The following FRK variants were observed in gnomAD, a reference collection of about 807,000 sequenced individuals.
The protein encoded by FRK is fyn related Src family tyrosine kinase, also known as tyrosine-protein kinase FRK.
Under a neutral mutation model 56.4 loss-of-function variants are expected in FRK, and 51 were observed. That is an observed-to-expected ratio of 0.90 (90% confidence interval 0.72 to 1.14). FRK has a LOEUF of 1.14. Ranked by LOEUF, FRK falls within the 50% of genes most tolerant of loss-of-function variation. The pLI, the probability that FRK is intolerant of heterozygous loss-of-function variation, is 0.00. For synonymous variants in FRK, 245 were observed against 217.9 expected (o/e 1.12, Z -1.10); for missense variants, 570 against 601.4 (o/e 0.95, Z 0.55).
Position 115,946,331 on chromosome 6 carries a change from C to T in FRK, c.959-1906G>A, listed in dbSNP as rs73770683. ...GGCAAGCAGCTTAACATTCCTATGCCTCAGTTTCCTCATCTGTACAATGAT... is the reference window on the plus strand; with the variant it reads ...GGCAAGCAGCTTAACATTCCTATGCTTCAGTTTCCTCATCTGTACAATGAT... On this transcript the variant is annotated intron_variant, in intron 5 of 7. Transcript: ENST00000606080. Among the ~76,000 whole-genome samples the T allele has an allele frequency of 7.0e-3, 1,071 of 152,212 alleles. 10 individuals are homozygous for T. Among genetic ancestry groups the T allele is most frequent in the African/African-American group, 0.025 (1,041 of 41,550 alleles).
chr6:115,991,924 AT>A (rs534588193), intron 2 of FRK, among the ~76,000 whole-genome samples: 1 of 151,142 alleles, frequency 6.6e-6, no homozygotes, highest in African/African-American at 2.4e-5. Flanking sequence ...TTGGTGGTAG[AT>A]TTTTTTATTA....
At chr6:115,990,467 G>T (rs1774555117) in intron 2 of FRK, among the ~76,000 whole-genome samples, 1 of 151,494 alleles carries the variant, frequency 6.6e-6, no homozygotes, top group Non-Finnish European at 1.5e-5. Context: ...AGAGAGAGGG[G>T]TCCAGTTTCA....
chr6:115,958,643 GA>G (rs5879358), intron 4 of FRK, among the ~76,000 whole-genome samples: 26,440 of 37,626 alleles, frequency 0.7, 8,137 homozygotes, highest in South Asian at 0.76. Flanking sequence ...AGGAAAGAAA[GA>G]AAAGAAAGAA....
chr6:116,065,807 CA>C (rs1388407006), upstream of FRK, among the ~76,000 whole-genome samples: 1 of 152,190 alleles, frequency 6.6e-6, no homozygotes, highest in Non-Finnish European at 1.5e-5. Flanking sequence ...AATGGACACT[CA>C]ATAAATATAT....
At chr6:116,029,084 G>A (rs375547084) in intron 1 of FRK, among the ~76,000 whole-genome samples, 3 of 151,870 alleles carry the variant, frequency 2.0e-5, no homozygotes, top group African/African-American at 7.3e-5. Flanking sequence ...CTTCCTCAGG[G>A]ACTTTTCACC....
chr6:115,946,133 G>A (rs567549146), intron 5 of FRK, among the ~76,000 whole-genome samples: 59 of 152,100 alleles, frequency 3.9e-4, no homozygotes, highest in Middle Eastern at 3.4e-3. Flanking sequence ...ATATATCCCC[G>A]TCTCAATAAG....
upstream of FRK, among the ~76,000 whole-genome samples, chr6:116,061,786 T>C (rs1281942131): frequency 7.2e-6 from 1 of 138,316 alleles, no homozygotes; most frequent in African/African-American, 3.1e-5. Flanking sequence ...CTATAAGACT[T>C]TTTTTTTATT....
chr6:116,078,174 T>C, the FRK span, among the ~76,000 whole-genome samples: 2 of 152,112 alleles, frequency 1.3e-5, no homozygotes. Context: ...AATAAATAAA[T>C]AAACATTTGA....
the FRK span, among the ~76,000 whole-genome samples, chr6:116,095,499 T>C: frequency 6.6e-6 from 1 of 152,202 alleles, no homozygotes; most frequent in Admixed American, 6.5e-5. Context: ...AAGTTAACAG[T>C]GTAACATGTA....
At chr6:116,022,729 C>G (rs937019440) in intron 1 of FRK, among the ~76,000 whole-genome samples, 6 of 152,148 alleles carry the variant, frequency 3.9e-5, no homozygotes, top group Non-Finnish European at 7.4e-5. Context: ...TAAGAACAGA[C>G]AAGAGCTACA....
At position 115,956,550 on chromosome 6, in the gene FRK, G is replaced by T. The variant is rs775194998; in HGVS notation, c.860C>A (p.Pro287Gln). The T allele has an allele frequency of 6.3e-7, 1 of 1,592,682 alleles. No individual in the cohort carries two copies. The highest frequency in any genetic ancestry group is 1.7e-5 in the Admixed American group (1 of 57,370). ...AACAGCATAAAGCTGGATAAGCTTTGGATGTCTTAGGTTCTTCATTATCTG... is the reference window on the plus strand; with the variant it reads ...AACAGCATAAAGCTGGATAAGCTTTTGATGTCTTAGGTTCTTCATTATCTG... ...EAQIMKNLRH[P>Q]KLIQLYAVCT... The change falls in exon 5 of 8, where the codon CCA (proline) becomes CAA (glutamine). Residue 287 changes from proline to glutamine, a missense_variant. Physicochemically the swap from Pro to Gln is moderately conservative, Grantham distance 76. Coordinates refer to ENST00000606080, the MANE Select transcript of FRK (RefSeq NM_002031.3).
At chr6:115,971,579 G>A (rs1165914105) in intron 2 of FRK, among the ~76,000 whole-genome samples, 2 of 152,142 alleles carry the variant, frequency 1.3e-5, no homozygotes, top group African/African-American at 2.4e-5. Context: ...TTTGTAGTCT[G>A]TGAGAATAAC....
At chr6:115,958,644 A>AG (rs1773121925) in intron 4 of FRK, among the ~76,000 whole-genome samples, 1 of 3,818 alleles carries the variant, frequency 2.6e-4, no homozygotes, top group Non-Finnish European at 5.4e-4. Flanking sequence ...GGAAAGAAAG[A>AG]AAAGAAAGAA....
chr6:115,983,071 CA>C (rs34441668), intron 2 of FRK, among the ~76,000 whole-genome samples: 38,495 of 143,264 alleles, frequency 0.27, 5,184 homozygotes, highest in Admixed American at 0.38. Context: ...GACTCTATCT[CA>C]AAAAAAAAAA....
At chr6:115,952,423 C>T (rs1489454949) in intron 5 of FRK, among the ~76,000 whole-genome samples, 2 of 152,020 alleles carry the variant, frequency 1.3e-5, no homozygotes, top group Non-Finnish European at 2.9e-5. Flanking sequence ...CAGGAAACAA[C>T]AGGTGCTGGA....
intron 1 of FRK, among the ~76,000 whole-genome samples, chr6:116,024,056 TTAC>T (rs1775980343): frequency 2.9e-5 from 2 of 69,944 alleles, no homozygotes; most frequent in African/African-American, 1.0e-4. Context: ...TCCTGAGAAC[TTAC>T]ACACACACAC....
In FRK at chr6:115,932,020, T is replaced by C. The variant is rs1771965970; in HGVS notation, c.*10394A>G. 2 of 152,192 alleles carry C rather than the reference T, an allele frequency of 1.3e-5. No homozygotes were observed. Among genetic ancestry groups the C allele is most frequent in the South Asian group, 4.1e-4 (2 of 4,820 alleles). The allele number at this position is 152,192 out of a possible 1,614,324, so 9.4% of individuals were successfully genotyped here. A position where few individuals can be genotyped will look rare whatever the true frequency, so the allele number is the denominator to read the frequency against. On this transcript the variant is annotated 3_prime_UTR_variant, in exon 8 of 8. Coordinates refer to ENST00000606080, the MANE Select transcript of FRK (RefSeq NM_002031.3). ...GACGTCTGTTGCTTCAAATGAATAA[T>C]AGATAAATTAACTACCTAGGCAAGA... is the stretch of plus-strand genomic sequence containing the variant.
At chr6:116,092,473 C>G in the FRK span, among the ~76,000 whole-genome samples, 1 of 152,124 alleles carries the variant, frequency 6.6e-6, no homozygotes, top group East Asian at 1.9e-4. Flanking sequence ...TTTGAGAATG[C>G]ATCGGTAAGA....
In FRK at chr6:116,030,379, T is replaced by C. The variant is rs73772204; in HGVS notation, c.345-26381A>G. Among the ~76,000 whole-genome samples, 649 of 152,218 alleles carry C rather than the reference T, an allele frequency of 4.3e-3. 7 individuals carry two copies. The highest frequency in any genetic ancestry group is 0.015 in the African/African-American group (630 of 41,550). ...TCATTTCCCAAATATTAAAATAAAA[T>C]ATGCACCTAGCGCTCCTATCACTCA... On this transcript the variant is annotated intron_variant, in intron 1 of 7. Coordinates refer to ENST00000606080, the MANE Select transcript of FRK (RefSeq NM_002031.3).
Sources: gnomAD v4.1 joint callset for allele counts (sites outside exome capture counted in the v4.1 genomes callset) on GRCh38, gnomAD v4.1.1 for gene constraint, MANE v1.5 for transcripts, NCBI Gene and HGNC (gene_info 2026-07-23, HGNC 2026-07-21) for gene names.